Variants in LONRF2 observed in about 807,000 individuals in gnomAD.
LONRF2 encodes LON peptidase N-terminal domain and RING finger protein 2.
Under a neutral mutation model 66.6 loss-of-function variants are expected in LONRF2, and 35 were observed. The observed-to-expected ratio is 0.53, with a 90% CI of 0.40 to 0.70. The LOEUF (loss-of-function observed/expected upper bound fraction) is 0.70. LONRF2 is among the 30% of genes least tolerant of loss of function. The probability of loss-of-function intolerance (pLI) is 0.00; values close to 1 mark genes in which losing one functional copy is unlikely to be tolerated. For missense variants in LONRF2, 902 were observed against 1,002.1 expected (o/e 0.90, Z 1.35); for synonymous variants, 417 against 418.1 (o/e 1.00, Z 0.03).
At position 100,277,485 on chromosome 2, in the gene LONRF2, C is replaced by T. The variant is rs1271047316; in HGVS notation, c.*6813G>A. On this transcript the variant is annotated 3_prime_UTR_variant, in exon 12 of 12. Transcript: ENST00000393437. ...CCTGGGCCCTCTGGTGTATTCTACC[C>T]ACAGGAGGGTGGTCTCCCATGTCCT... 1 of 152,140 alleles carries T rather than the reference C, an allele frequency of 6.6e-6. No individual in the cohort carries two copies. Among genetic ancestry groups the T allele is most frequent in the African/African-American group, 2.4e-5 (1 of 41,390 alleles). The allele number at this position is 152,140 out of a possible 1,614,324, so 9.4% of individuals were successfully genotyped here.
At chr2:100,298,220 G>C (rs958689972) in intron 7 of LONRF2, among the ~76,000 whole-genome samples, 15 of 152,148 alleles carry the variant, frequency 9.9e-5, no homozygotes, top group African/African-American at 3.6e-4. Context: ...AAGGTCTTCA[G>C]CTTTTAAATA....
chr2:100,309,209 T>G lies in LONRF2; in HGVS notation c.696A>C (p.Ser232=), dbSNP rs1432606955. 4.4e-6 allele frequency: 7 copies of G among 1,605,058 alleles called. No homozygotes were observed. The highest frequency in any genetic ancestry group is 5.9e-6 in the Non-Finnish European group (7 of 1,177,550). ...QALELAPDDN[S]LLLLRAELYL... Reference sequence around the variant, plus strand: ...ATAACTCCGCCCGCAGCAGCAATAATGAATTATCATCAGGAGCTGAAAGAC... The same window carrying G: ...ATAACTCCGCCCGCAGCAGCAATAAGGAATTATCATCAGGAGCTGAAAGAC... Residue 232 remains serine, a synonymous_variant, in exon 2 of 12, where the codon TCA becomes TCC. Coordinates refer to ENST00000393437, the MANE Select transcript of LONRF2 (RefSeq NM_198461.4).
At position 100,277,021 on chromosome 2, in the gene LONRF2, G is replaced by A. The variant is rs1360073829; in HGVS notation, c.*7277C>T. 1 of 152,194 alleles carries A rather than the reference G, an allele frequency of 6.6e-6. No homozygotes were observed. The highest frequency in any genetic ancestry group is 1.5e-5 in the Non-Finnish European group (1 of 68,038). The allele number at this position is 152,194 out of a possible 1,614,324, so 9.4% of individuals were successfully genotyped here. On this transcript the variant is annotated 3_prime_UTR_variant, in exon 12 of 12. Transcript: ENST00000393437. ...GTCCAACATCTTTAGATACTTTCGAGGTTCTGATGGCAATGTAGTCCTCAT... is the reference window on the plus strand; with the variant it reads ...GTCCAACATCTTTAGATACTTTCGAAGTTCTGATGGCAATGTAGTCCTCAT...
In LONRF2 at chr2:100,298,464, T is replaced by C. The variant is rs7573189; in HGVS notation, c.1476+372A>G. On this transcript the variant is annotated intron_variant, in intron 7 of 11. Coordinates refer to ENST00000393437, the MANE Select transcript of LONRF2 (RefSeq NM_198461.4). ...AAAGGGACTCACCTGTGGTCAGAAA[T>C]GATCAAGTCTTCAATCCTACGAAAA... is the stretch of plus-strand genomic sequence containing the variant. Among the ~76,000 whole-genome samples, 337 of 152,298 alleles carry C rather than the reference T, an allele frequency of 2.2e-3. 2 individuals carry two copies. The highest frequency in any genetic ancestry group is 7.9e-3 in the African/African-American group (327 of 41,558).
At chr2:100,311,505 G>A (rs1301395494) in intron 1 of LONRF2, among the ~76,000 whole-genome samples, 1 of 152,006 alleles carries the variant, frequency 6.6e-6, no homozygotes, top group Non-Finnish European at 1.5e-5. Context: ...ATCTGCCAAT[G>A]GATTCTCTTG....
rs893553503 is a variant in LONRF2 at position 100,275,548 on chromosome 2, C to G, written c.*8750G>C. The G allele has an allele frequency of 6.6e-6, 1 of 152,212 alleles. No homozygotes were observed. Among genetic ancestry groups the G allele is most frequent in the African/African-American group, 2.4e-5 (1 of 41,434 alleles). The allele number at this position is 152,212 out of a possible 1,614,324, so 9.4% of individuals were successfully genotyped here. On this transcript the variant is annotated 3_prime_UTR_variant, in exon 12 of 12. Coordinates refer to ENST00000393437, the MANE Select transcript of LONRF2 (RefSeq NM_198461.4). Reference sequence around the variant, plus strand: ...GCACCCTCCTCACAGAAATGACAGCCGCCAAAAGGTTTAAATGTTGCTTTA... The same window carrying G: ...GCACCCTCCTCACAGAAATGACAGCGGCCAAAAGGTTTAAATGTTGCTTTA...
intron 1 of LONRF2, among the ~76,000 whole-genome samples, chr2:100,319,806 T>A (rs1675584513): frequency 6.6e-6 from 1 of 152,232 alleles, no homozygotes; most frequent in Admixed American, 6.5e-5. Context: ...CATACACTCT[T>A]GTATCTAATT....
rs1674662158 is a variant in LONRF2 at position 100,279,231 on chromosome 2, A to T, written c.*5067T>A. 6.6e-6 allele frequency: 1 copy of T among 152,176 alleles called. No homozygotes were observed. The highest frequency in any genetic ancestry group is 6.6e-5 in the Admixed American group (1 of 15,248). The allele number at this position is 152,176 out of a possible 1,614,324, so 9.4% of individuals were successfully genotyped here. A position where few individuals can be genotyped will look rare whatever the true frequency, so the allele number is the denominator to read the frequency against. ...ACACCCCCAGCCACACAACCGCCAG[A>T]CCTGCCACCCCGAGCCGAGAAACAC... On this transcript the variant is annotated 3_prime_UTR_variant, in exon 12 of 12. Transcript: ENST00000393437.
Position 100,284,260 on chromosome 2 carries a change from A to G in LONRF2, c.*38T>C, listed in dbSNP as rs767151061. On this transcript the variant is annotated 3_prime_UTR_variant, in exon 12 of 12. Transcript: ENST00000393437. Reference sequence around the variant, plus strand: ...TTCGTCCATGCCTGACATTTATAAAAGCACAAGGGCTGCCAGAAACCTTGA... The same window carrying G: ...TTCGTCCATGCCTGACATTTATAAAGGCACAAGGGCTGCCAGAAACCTTGA... 9.6e-6 allele frequency: 14 copies of G among 1,451,510 alleles called. No individual in the cohort carries two copies. In the African/African-American group the frequency reaches 2.0e-4, roughly 21 times the overall value. The allele number at this position is 1,451,510 out of a possible 1,614,324, so 89.9% of individuals were successfully genotyped here. A position where few individuals can be genotyped will look rare whatever the true frequency, so the allele number is the denominator to read the frequency against.
chr2:100,298,168 C>T (rs1675110643), intron 7 of LONRF2, among the ~76,000 whole-genome samples: 1 of 152,128 alleles, frequency 6.6e-6, no homozygotes, highest in Admixed American at 6.5e-5. Flanking sequence ...GACCACAGCC[C>T]AATACAGCTG....
chr2:100,299,205 A>G, intron 6 of LONRF2, 21 bp downstream of exon 6: 1 of 1,523,350 alleles, frequency 6.6e-7, no homozygotes, highest in Non-Finnish European at 8.9e-7. Flanking sequence ...AAAGAGTTGC[A>G]CGGATTCTGT....
At position 100,272,187 on chromosome 2, in the gene LONRF2, A is replaced by T. The variant is rs1674512785; in HGVS notation, c.*12111T>A. On this transcript the variant is annotated 3_prime_UTR_variant, in exon 12 of 12. Coordinates refer to ENST00000393437, the MANE Select transcript of LONRF2 (RefSeq NM_198461.4). ...TTAGTAACCAACACAAGATTGTCCT[A>T]AGAAGAAAAAGATGATCAAAGAGTA... is the stretch of plus-strand genomic sequence containing the variant. 6.6e-6 allele frequency among the ~76,000 whole-genome samples: 1 copy of T among 152,242 alleles called. No homozygotes were observed. Among genetic ancestry groups the T allele is most frequent in the South Asian group, 2.1e-4 (1 of 4,834 alleles).
At chr2:100,311,454 C>T (rs1675407389) in intron 1 of LONRF2, among the ~76,000 whole-genome samples, 1 of 152,072 alleles carries the variant, frequency 6.6e-6, no homozygotes. Context: ...ATGGAGATCT[C>T]ATATCCTGTT....
chr2:100,289,239 G>T lies in LONRF2; in HGVS notation c.1920+1019C>A, dbSNP rs146880528. Among the ~76,000 whole-genome samples, 639 of 152,148 alleles carry T rather than the reference G, an allele frequency of 4.2e-3. 11 individuals are homozygous for T. The highest frequency in any genetic ancestry group is 0.035 in the Admixed American group (532 of 15,280). Reference sequence around the variant, plus strand: ...GCTCATGCCTTTACACATTGTCTATGGCTGCTTTTGCACTACAAGGGCAGA... The same window carrying T: ...GCTCATGCCTTTACACATTGTCTATTGCTGCTTTTGCACTACAAGGGCAGA... On this transcript the variant is annotated intron_variant, in intron 10 of 11. Coordinates refer to ENST00000393437, the MANE Select transcript of LONRF2 (RefSeq NM_198461.4).
At chr2:100,316,585 T>C (rs1675512407) in intron 1 of LONRF2, among the ~76,000 whole-genome samples, 1 of 152,182 alleles carries the variant, frequency 6.6e-6, no homozygotes, top group African/African-American at 2.4e-5. Context: ...ACTTCTTTCA[T>C]GGCCTAATCC....
rs780634917 is a variant in LONRF2, at chr2:100,321,594, A to G, written c.500T>C (p.Val167Ala). The change falls in exon 1 of 12, where the codon GTG becomes GCG. Residue 167 changes from valine to alanine, a missense_variant. Transcript: ENST00000393437. Reference protein sequence around the residue: ...PCGLTVCKRCVEPGPARPQVR... With the variant: ...PCGLTVCKRCAEPGPARPQVR... ...CTGCGGCCGCGCGGGCCCTGGCTCC[A>G]CGCAGCGCTTGCAGACTGTGAGCCC... 24 of 1,524,814 alleles carry G rather than the reference A, an allele frequency of 1.6e-5. No homozygotes were observed. Among genetic ancestry groups the G allele is most frequent in the Non-Finnish European group, 1.9e-5 (22 of 1,148,510 alleles). 94.5% of individuals were successfully genotyped at this position (1,524,814 alleles called of 1,614,324 possible).
chr2:100,314,647 T>C (rs185264676), intron 1 of LONRF2, among the ~76,000 whole-genome samples: 4 of 152,310 alleles, frequency 2.6e-5, no homozygotes, highest in Admixed American at 2.6e-4. Flanking sequence ...CCCCAAGTCC[T>C]TGAAAACAGT....
chr2:100,312,960 C>T (rs567830412), intron 1 of LONRF2, among the ~76,000 whole-genome samples: 2 of 152,216 alleles, frequency 1.3e-5, no homozygotes, highest in South Asian at 2.1e-4. Context: ...AGAATTGATG[C>T]AACATTTCAG....
chr2:100,300,510 G>A, intron 4 of LONRF2, 134 bp downstream of exon 4: 1 of 790,750 alleles, frequency 1.3e-6, no homozygotes, highest in Non-Finnish European at 1.9e-6. Context: ...AGGTTGAGGA[G>A]CTACAACTGG....
Sources: allele counts gnomAD v4.1 joint callset (sites outside exome capture counted in the v4.1 genomes callset), GRCh38; gene constraint gnomAD v4.1.1; transcripts MANE v1.5; gene names NCBI Gene and HGNC (gene_info 2026-07-23, HGNC 2026-07-21).